The following TRAPPC13 variants were observed in gnomAD, a reference collection of about 807,000 sequenced individuals.
TRAPPC13 encodes trafficking protein particle complex subunit 13.
TRAPPC13 carries 39 observed loss-of-function variants against 54.0 expected under a neutral mutation model. That is an observed-to-expected ratio of 0.72 (90% CI 0.56 to 0.94). The LOEUF (loss-of-function observed/expected upper bound fraction) is 0.94, where lower values mean the gene tolerates loss of function less well. TRAPPC13 is among the 40% of genes least tolerant of loss of function. The pLI is 0.00. For missense variants in TRAPPC13, 386 were observed against 488.1 expected (o/e 0.79, Z 1.97); for synonymous variants, 148 against 167.7 (o/e 0.88, Z 0.91).
chr5:65,656,724 G>A (rs1756665089), intron 8 of TRAPPC13, among the ~76,000 whole-genome samples: 1 of 151,832 alleles, frequency 6.6e-6, no homozygotes, highest in African/African-American at 2.4e-5. Context: ...TGGCCAACAT[G>A]GTGAAACCTC....
intron 4 of TRAPPC13, among the ~76,000 whole-genome samples, chr5:65,638,708 C>T (rs1031631651): frequency 3.3e-5 from 5 of 152,132 alleles, no homozygotes; most frequent in African/African-American, 1.2e-4. Flanking sequence ...TGGCGGAAGG[C>T]AAGGAGGAGC....
chr5:65,639,135 G>T (rs538017066), intron 4 of TRAPPC13, among the ~76,000 whole-genome samples: 1 of 151,914 alleles, frequency 6.6e-6, no homozygotes, highest in African/African-American at 2.4e-5. Flanking sequence ...CTTATTCACC[G>T]TCATGAGAAC....
intron 5 of TRAPPC13, among the ~76,000 whole-genome samples, chr5:65,650,282 C>T (rs1319151698): frequency 6.6e-6 from 1 of 151,458 alleles, no homozygotes; most frequent in African/African-American, 2.4e-5. Flanking sequence ...CTGCCTCAGC[C>T]TCCTGAGTAG....
chr5:65,629,484 A>G, intron 1 of TRAPPC13: 3 of 1,431,276 alleles, frequency 2.1e-6, no homozygotes, highest in Non-Finnish European at 1.8e-6. Flanking sequence ...TTTCCCTCTG[A>G]TTTGGCAAGA....
intron 4 of TRAPPC13, among the ~76,000 whole-genome samples, chr5:65,645,119 A>G (rs1756133302): frequency 2.0e-5 from 3 of 150,110 alleles, no homozygotes; most frequent in Non-Finnish European, 4.4e-5. Context: ...AATCGCCTGA[A>G]CCTGGTAGGC....
intron 1 of TRAPPC13, among the ~76,000 whole-genome samples, chr5:65,629,053 G>T (rs951909632): frequency 1.3e-5 from 2 of 151,988 alleles, no homozygotes; most frequent in African/African-American, 4.8e-5. Flanking sequence ...TGATTTCATT[G>T]TCCTCAATTT....
chr5:65,653,900 C>A (rs1330126408), intron 7 of TRAPPC13, among the ~76,000 whole-genome samples: 1 of 152,060 alleles, frequency 6.6e-6, no homozygotes, highest in Non-Finnish European at 1.5e-5. Context: ...TGATTAATTA[C>A]AGTATAGCTA....
At chr5:65,653,247 G>A (rs1756537257) in intron 7 of TRAPPC13, among the ~76,000 whole-genome samples, 1 of 151,528 alleles carries the variant, frequency 6.6e-6, no homozygotes, top group Non-Finnish European at 1.5e-5. Flanking sequence ...TCTCTTGCTA[G>A]CCCTCTTATG....
rs1237370494 is a variant in TRAPPC13, at chr5:65,662,096, A to G, written c.944A>G (p.Asp315Gly). Residue 315 changes from aspartate to glycine, a missense_variant, in exon 11 of 13, where the codon GAT becomes GGT. Physicochemically the swap from Asp to Gly is moderately conservative, Grantham distance 94 (BLOSUM62 -1). Transcript: ENST00000399438. ...AGGTTGTCTTTGGAGGCAATACCAG[A>G]TACCGTAAACCTTGAAGAACCTTTT... ...DVRLSLEAIP[D>G]TVNLEEPFHI... 3 of 1,609,910 alleles carry G rather than the reference A, an allele frequency of 1.9e-6. No individual in the cohort carries two copies. Among genetic ancestry groups the G allele is most frequent in the Non-Finnish European group, 2.5e-6 (3 of 1,178,084 alleles).
In TRAPPC13 at chr5:65,636,120, G is replaced by T. The variant is rs10471665; in HGVS notation, c.215+77G>T. On this transcript the variant is annotated intron_variant, in intron 3 of 12. Coordinates refer to ENST00000399438, the MANE Select transcript of TRAPPC13 (RefSeq NM_024941.4). ...GTTTTCAAAACAGAACCATGGGATGGGGAAATGCTCATGATACATTTACCT... is the reference window on the plus strand; with the variant it reads ...GTTTTCAAAACAGAACCATGGGATGTGGAAATGCTCATGATACATTTACCT... 3.5e-4 allele frequency: 328 copies of T among 942,574 alleles called. 1 individual carries two copies. In the African/African-American group the frequency reaches 5.3e-3, roughly 15 times the overall value. The allele number at this position is 942,574 out of a possible 1,614,324, so 58.4% of individuals were successfully genotyped here. A position where few individuals can be genotyped will look rare whatever the true frequency, so the allele number is the denominator to read the frequency against.
At chr5:65,659,967 C>CAAAAAAAAAAAAA (rs141876171) in intron 9 of TRAPPC13, among the ~76,000 whole-genome samples, 4 of 95,236 alleles carry the variant, frequency 4.2e-5, no homozygotes, top group Non-Finnish European at 8.2e-5. Context: ...GTATTTTAAA[C>CAAAAAAAAAAAAA]AAAAAAAAAA....
chr5:65,664,457 C>T, intron 12 of TRAPPC13, 47 bp from the exon 13 acceptor site: 1 of 1,593,972 alleles, frequency 6.3e-7, no homozygotes, highest in Non-Finnish European at 8.5e-7. Flanking sequence ...GTCTGTATTT[C>T]CTCTGAATGA....
At chr5:65,643,766 G>A (rs1158036609) in intron 4 of TRAPPC13, among the ~76,000 whole-genome samples, 5 of 146,500 alleles carry the variant, frequency 3.4e-5, no homozygotes, top group African/African-American at 5.1e-5. Context: ...GCAGTGAGCC[G>A]AGATCGTGCC....
intron 1 of TRAPPC13, among the ~76,000 whole-genome samples, chr5:65,628,418 A>G (rs1755348144): frequency 6.6e-6 from 1 of 152,120 alleles, no homozygotes; most frequent in Non-Finnish European, 1.5e-5. Context: ...ACGTGAAATC[A>G]TCAAATATTC....
chr5:65,625,928 C>G (rs561195236), intron 1 of TRAPPC13: 1 of 152,340 alleles, frequency 6.6e-6, no homozygotes, highest in East Asian at 1.9e-4. Context: ...TTACTTATGG[C>G]ATCCATTTTG....
At chr5:65,627,154 A>AAAAAAAAAAAAAAAAAAAAAAAAAAC (rs1755279754) in intron 1 of TRAPPC13, among the ~76,000 whole-genome samples, 1 of 150,264 alleles carries the variant, frequency 6.7e-6, no homozygotes, top group Non-Finnish European at 1.5e-5. Flanking sequence ...AAAAAAAAAA[A>AAAAAAAAAAAAAAAAAAAAAAAAAAC]AAAGAACAAT....
chr5:65,644,111 T>C (rs1419298365), intron 4 of TRAPPC13, among the ~76,000 whole-genome samples: 2 of 152,220 alleles, frequency 1.3e-5, no homozygotes, highest in East Asian at 1.9e-4. Context: ...TTTGAGAGGA[T>C]TGAGGCCAGT....
chr5:65,653,647 G>A (rs1163139914), intron 7 of TRAPPC13, among the ~76,000 whole-genome samples: 1 of 152,128 alleles, frequency 6.6e-6, no homozygotes, highest in East Asian at 1.9e-4. Context: ...AAGGAAAACT[G>A]GATTGGAGTC....
chr5:65,638,768 G>C (rs557865977), intron 4 of TRAPPC13, among the ~76,000 whole-genome samples: 8 of 152,154 alleles, frequency 5.3e-5, no homozygotes, highest in Non-Finnish European at 1.0e-4. Flanking sequence ...GAGCTTGTGC[G>C]GGGAAACTCC....
Sources: allele counts gnomAD v4.1 joint callset (sites outside exome capture counted in the v4.1 genomes callset), GRCh38; gene constraint gnomAD v4.1.1; transcripts MANE v1.5; gene names NCBI Gene and HGNC (gene_info 2026-07-23, HGNC 2026-07-21).